The following PIK3AP1 variants were observed in gnomAD, a reference collection of about 807,000 sequenced individuals.
PIK3AP1 encodes phosphoinositide-3-kinase adaptor protein 1.
Under a neutral mutation model 88.1 loss-of-function variants are expected in PIK3AP1, and 21 were observed. The ratio of observed to expected loss-of-function variants is 0.24; its 90% CI spans 0.17 to 0.34. The LOEUF (loss-of-function observed/expected upper bound fraction) is 0.34, where lower values mean the gene tolerates loss of function less well. PIK3AP1 is among the 10% of genes least tolerant of loss of function. PIK3AP1 has a pLI of 1.00. For missense variants in PIK3AP1, 828 were observed against 1,035.7 expected (o/e 0.80, Z 2.75); for synonymous variants, 398 against 400.0 (o/e 1.00, Z 0.06).
chr10:96,637,314 T>TCACA (rs55885337), intron 8 of PIK3AP1, among the ~76,000 whole-genome samples: 6,840 of 127,916 alleles, frequency 0.053, 197 homozygotes, highest in South Asian at 0.072. Context: ...AGATATACAA[T>TCACA]CACACACACA....
Position 96,608,541 on chromosome 10 carries a change from C to G in PIK3AP1, c.2170+1171G>C, listed in dbSNP as rs146821283. Reference sequence around the variant, plus strand: ...GATCTACTCGCACCTTTGCCATTCACTGGCTATGTAACCTTGGGCAAAATT... The same window carrying G: ...GATCTACTCGCACCTTTGCCATTCAGTGGCTATGTAACCTTGGGCAAAATT... On this transcript the variant is annotated intron_variant, in intron 14 of 16. Coordinates refer to ENST00000339364, the MANE Select transcript of PIK3AP1 (RefSeq NM_152309.3). Among the ~76,000 whole-genome samples, 718 of 152,358 alleles carry G rather than the reference C, an allele frequency of 4.7e-3. 8 individuals are homozygous for G. The highest frequency in any genetic ancestry group is 0.016 in the African/African-American group (682 of 41,588).
rs116888865 is a variant in PIK3AP1, at chr10:96,605,770, C to T, written c.2171-1721G>A. 2.6e-5 allele frequency among the ~76,000 whole-genome samples: 4 copies of T among 152,042 alleles called. No homozygotes were observed. The East Asian group carries it at 7.7e-4, about 29-fold the overall frequency. ...AATACGTCAAAATGTTTCTATAATC[C>T]AGGGGATGCAGAAATTGTTTATTAA... On this transcript the variant is annotated intron_variant, in intron 14 of 16. Transcript: ENST00000339364.
intron 2 of PIK3AP1, among the ~76,000 whole-genome samples, chr10:96,664,455 G>A (rs1237805910): frequency 1.3e-5 from 2 of 152,110 alleles, no homozygotes; most frequent in Non-Finnish European, 2.9e-5. Flanking sequence ...TTGATAATGG[G>A]GGTAGGGTAA....
At chr10:96,679,799 C>G (rs767153524) in intron 2 of PIK3AP1, among the ~76,000 whole-genome samples, 5 of 152,154 alleles carry the variant, frequency 3.3e-5, no homozygotes, top group Non-Finnish European at 5.9e-5. Context: ...GGTGGCAAGA[C>G]GGCTGTGGTA....
chr10:96,648,199 G>T (rs1843486704), intron 7 of PIK3AP1, among the ~76,000 whole-genome samples: 1 of 152,198 alleles, frequency 6.6e-6, no homozygotes, highest in Non-Finnish European at 1.5e-5. Flanking sequence ...GGGCCTGAAG[G>T]CGGGTGAGGC....
At chr10:96,624,057 T>C (rs949887087) in intron 10 of PIK3AP1, among the ~76,000 whole-genome samples, 1 of 152,238 alleles carries the variant, frequency 6.6e-6, no homozygotes, top group Non-Finnish European at 1.5e-5. Flanking sequence ...ATGGTGATTA[T>C]GGCTCCCTGG....
In PIK3AP1 at chr10:96,599,502, G is replaced by T. The variant is rs554453501; in HGVS notation, c.2360+2778C>A. Among the ~76,000 whole-genome samples, 76 of 152,280 alleles carry T rather than the reference G, an allele frequency of 5.0e-4. 1 individual carries two copies. Among genetic ancestry groups the T allele is most frequent in the African/African-American group, 1.8e-3 (75 of 41,552 alleles). On this transcript the variant is annotated intron_variant, in intron 16 of 16. Coordinates refer to ENST00000339364, the MANE Select transcript of PIK3AP1 (RefSeq NM_152309.3). ...AGGCAAGGACCAGAACCGGGATGGA[G>T]TGGGATGGAGGCTGTACTACCAGTG...
intron 13 of PIK3AP1, among the ~76,000 whole-genome samples, chr10:96,614,332 CATCTCTT>C (rs1849179141): frequency 6.6e-6 from 1 of 152,052 alleles, no homozygotes; most frequent in Non-Finnish European, 1.5e-5. Context: ...AAAAGCATCT[CATCTCTT>C]TTATCACTGA....
At chr10:96,640,221 T>C (rs1338458054) in intron 8 of PIK3AP1, among the ~76,000 whole-genome samples, 1 of 152,192 alleles carries the variant, frequency 6.6e-6, no homozygotes, top group Non-Finnish European at 1.5e-5. Flanking sequence ...GAGTCTGCAG[T>C]TTCTAACGGC....
chr10:96,647,873 G>T (rs940611426), intron 7 of PIK3AP1, among the ~76,000 whole-genome samples: 4 of 152,160 alleles, frequency 2.6e-5, no homozygotes, highest in African/African-American at 9.7e-5. Flanking sequence ...ACTGGGATCA[G>T]GAAGAGCAGC....
At chr10:96,608,259 C>T (rs1849036766) in intron 14 of PIK3AP1, among the ~76,000 whole-genome samples, 1 of 152,214 alleles carries the variant, frequency 6.6e-6, no homozygotes, top group Non-Finnish European at 1.5e-5. Flanking sequence ...TACCACTTTC[C>T]TCCTCCACAG....
rs774924138 is a variant in PIK3AP1, at chr10:96,643,656, G to C, written c.1375+1817C>G. Among the ~76,000 whole-genome samples, 3 of 152,292 alleles carry C rather than the reference G, an allele frequency of 2.0e-5. No homozygotes were observed. The East Asian group carries it at 5.8e-4, about 29-fold the overall frequency. Reference sequence around the variant, plus strand: ...ACAACCTCTGGACCACATCTTGCAGGTTCTGGGGTCAGTGTCAAAGGCCTG... The same window carrying C: ...ACAACCTCTGGACCACATCTTGCAGCTTCTGGGGTCAGTGTCAAAGGCCTG... On this transcript the variant is annotated intron_variant, in intron 8 of 16. Coordinates refer to ENST00000339364, the MANE Select transcript of PIK3AP1 (RefSeq NM_152309.3).
chr10:96,665,784 G>T (rs980885605), intron 2 of PIK3AP1, among the ~76,000 whole-genome samples: 1 of 152,190 alleles, frequency 6.6e-6, no homozygotes, highest in Non-Finnish European at 1.5e-5. Context: ...GGGGCAGGAT[G>T]ATATGGAAAT....
chr10:96,645,417 G>GA, intron 8 of PIK3AP1, 56 bp downstream of exon 8: 5 of 1,579,940 alleles, frequency 3.2e-6, no homozygotes, highest in Non-Finnish European at 4.3e-6. Context: ...CATCCGGAAT[G>GA]AAAAAAGCTG....
At chr10:96,709,203 T>C (rs1045360029) in intron 2 of PIK3AP1, among the ~76,000 whole-genome samples, 4 of 149,752 alleles carry the variant, frequency 2.7e-5, no homozygotes, top group Non-Finnish European at 5.9e-5. Context: ...GGAAGTAACA[T>C]GCAAGCAGGA....
Position 96,630,311 on chromosome 10 carries a change from G to A in PIK3AP1, c.1376-1818C>T, listed in dbSNP as rs114346569. 7.1e-3 allele frequency among the ~76,000 whole-genome samples: 1,077 copies of A among 152,160 alleles called. 16 individuals carry two copies. Among genetic ancestry groups the A allele is most frequent in the African/African-American group, 0.024 (1,001 of 41,502 alleles). ...AATGAGGAACCAGTAAATGAATCCC[G>A]CCCGCCTGTTCTTGTCACCACTGAA... is the stretch of plus-strand genomic sequence containing the variant. On this transcript the variant is annotated intron_variant, in intron 8 of 16. Transcript: ENST00000339364.
chr10:96,603,695 CA>C, intron 15 of PIK3AP1: 3 of 231,854 alleles, frequency 1.3e-5, no homozygotes, highest in South Asian at 8.5e-5. Context: ...CACACACACA[CA>C]CACACACACA....
In PIK3AP1 at chr10:96,641,086, C is replaced by CGTGTGTGTGT. The variant is rs56816682; in HGVS notation, c.1375+4377_1375+4386dup. Among the ~76,000 whole-genome samples, 30 of 143,342 alleles carry CGTGTGTGTGT rather than the reference C, an allele frequency of 2.1e-4. 1 individual carries two copies. The highest frequency in any genetic ancestry group is 5.4e-4 in the African/African-American group (21 of 38,986). The allele number at this position is 143,342 out of a possible 152,430, so 94.0% of individuals were successfully genotyped here. A position where few individuals can be genotyped will look rare whatever the true frequency, so the allele number is the denominator to read the frequency against. On this transcript the variant is annotated intron_variant, in intron 8 of 16. Transcript: ENST00000339364. ...CTAAACTAAAGACTTGTGAGTGTGC[C>CGTGTGTGTGT]GTGTGTGTGTGTGTGTGTGTGTGTG...
At chr10:96,669,901 G>T (rs1287103549) in intron 2 of PIK3AP1, among the ~76,000 whole-genome samples, 1 of 152,114 alleles carries the variant, frequency 6.6e-6, no homozygotes, top group Non-Finnish European at 1.5e-5. Context: ...GTGGGACCAG[G>T]TGCGGTAGCT....
Sources: gnomAD v4.1 joint callset for allele counts (sites outside exome capture counted in the v4.1 genomes callset) on GRCh38, gnomAD v4.1.1 for gene constraint, MANE v1.5 for transcripts, NCBI Gene and HGNC (gene_info 2026-07-23, HGNC 2026-07-21) for gene names.